Variants in ESR2 observed in about 807,000 individuals in gnomAD.
The protein encoded by ESR2 is estrogen receptor beta.
Under a neutral mutation model 49.6 loss-of-function variants are expected in ESR2, and 36 were observed. That is an observed-to-expected ratio of 0.73 (90% CI 0.56 to 0.96). ESR2 has a LOEUF of 0.96. Ranked by LOEUF, ESR2 falls within the 40% of genes least tolerant of loss-of-function variation. The pLI, the probability that ESR2 is intolerant of heterozygous loss-of-function variation, is 0.00. For missense variants in ESR2, 714 were observed against 693.0 expected, an observed-to-expected ratio of 1.03 and a Z score of -0.34; for synonymous variants, 320 against 266.1, an observed-to-expected ratio of 1.20 and a Z score of -1.97.
At chr14:64,294,607 G>C (rs999482060), upstream of ESR2, among the ~76,000 whole-genome samples, 1 of 152,140 alleles carries the variant, frequency 6.6e-6, no homozygotes, top group Non-Finnish European at 1.5e-5. Context: ...TCTGGAGTAG[G>C]GCCTGAGAAT....
chr14:64,302,558 AG>A (rs2077038790), intron 1 of ESR2, among the ~76,000 whole-genome samples: 1 of 152,048 alleles, frequency 6.6e-6, no homozygotes. Flanking sequence ...CAGGTGCTCT[AG>A]GGCAGGTCCT....
intron 1 of ESR2, among the ~76,000 whole-genome samples, chr14:64,307,693 C>T (rs555576475): frequency 6.6e-6 from 1 of 152,094 alleles, no homozygotes; most frequent in Non-Finnish European, 1.5e-5. Flanking sequence ...CACCACCACG[C>T]CCGGCTAATT....
intron 6 of ESR2, among the ~76,000 whole-genome samples, chr14:64,251,457 T>G (rs772892208): frequency 2.7e-4 from 41 of 151,938 alleles, no homozygotes; most frequent in Non-Finnish European, 4.1e-4. Context: ...CCAAGTGGTA[T>G]GGTAAGGGAA....
intron 5 of ESR2, among the ~76,000 whole-genome samples, chr14:64,259,548 CA>C (rs1484810797): frequency 6.6e-6 from 1 of 152,216 alleles, no homozygotes; most frequent in Non-Finnish European, 1.5e-5. Flanking sequence ...AACACCAAGT[CA>C]AATGATAATT....
rs2098728739 is a variant in ESR2 at position 64,233,029 on chromosome 14, C to A, written c.*108G>T. 6.7e-7 allele frequency: 1 copy of A among 1,493,888 alleles called. No homozygotes were observed. Among genetic ancestry groups the A allele is most frequent in the Non-Finnish European group, 8.9e-7 (1 of 1,121,454 alleles). The allele number at this position is 1,493,888 out of a possible 1,614,324, so 92.5% of individuals were successfully genotyped here. A position where few individuals can be genotyped will look rare whatever the true frequency, so the allele number is the denominator to read the frequency against. Reference sequence around the variant, plus strand: ...TGGTACATGACCAAGCCTGCCATCACCAAATGAGGGACCACACAGCAGAAA... The same window carrying A: ...TGGTACATGACCAAGCCTGCCATCAACAAATGAGGGACCACACAGCAGAAA... On this transcript the variant is annotated 3_prime_UTR_variant, in exon 9 of 9. Transcript: ENST00000341099.
At chr14:64,308,818 C>T (rs1291144964) in intron 1 of ESR2, among the ~76,000 whole-genome samples, 1 of 151,990 alleles carries the variant, frequency 6.6e-6, no homozygotes, top group Non-Finnish European at 1.5e-5. Context: ...TCACCTGTCA[C>T]CCAGGCTGGA....
Position 64,282,647 on chromosome 14 carries a change from T to TA in ESR2, c.338dup (p.Glu114ArgfsTer16), listed in dbSNP as rs1419796902. The TA allele has an allele frequency of 6.2e-7, 1 of 1,607,836 alleles. No individual in the cohort carries two copies. The highest frequency in any genetic ancestry group is 8.5e-7 in the Non-Finnish European group (1 of 1,174,618). On this transcript the variant is annotated frameshift_variant, in exon 2 of 9. Coordinates refer to ENST00000341099, the MANE Select transcript of ESR2 (RefSeq NM_001437.3). LOFTEE classifies it high-confidence loss of function. The stretch of plus-strand genomic sequence containing the variant: ...ACCTGTTTACAGGTAAGGTGTGTTC[T>TA]AGCGATCTTGCTTCACACCAGGGAC...
intron 6 of ESR2, among the ~76,000 whole-genome samples, chr14:64,251,965 T>A (rs1454468575): frequency 6.6e-6 from 1 of 152,178 alleles, no homozygotes; most frequent in East Asian, 1.9e-4. Flanking sequence ...TTTTATAATT[T>A]TAGATTGAAA....
At chr14:64,243,194 A>T (rs568450136) in intron 7 of ESR2, among the ~76,000 whole-genome samples, 62 of 152,312 alleles carry the variant, frequency 4.1e-4, no homozygotes, top group African/African-American at 1.4e-3. Flanking sequence ...AGAATTCCAG[A>T]TGGTGGTGGG....
chr14:64,313,144 A>C (rs1333045739), intron 1 of ESR2, among the ~76,000 whole-genome samples: 1 of 152,190 alleles, frequency 6.6e-6, no homozygotes, highest in African/African-American at 2.4e-5. Flanking sequence ...ACATTATATA[A>C]TAACAAAAGG....
chr14:64,227,692 A>G (rs1423536763), downstream of ESR2: 1 of 1,604,210 alleles, frequency 6.2e-7, no homozygotes. Context: ...AATATTGTGC[A>G]TGTCAATTTT....
In ESR2 at chr14:64,316,592, T is replaced by C. The variant is rs376479234; in HGVS notation, c.-91+21306A>G. Reference sequence around the variant, plus strand: ...GGGAGGCCAAGGTGGGTGGATCACTTGAGGTCAGGAGTTTGAGACCAGCCT... The same window carrying C: ...GGGAGGCCAAGGTGGGTGGATCACTCGAGGTCAGGAGTTTGAGACCAGCCT... On this transcript the variant is annotated intron_variant, in intron 1 of 8. Coordinates refer to the ESR2 transcript ENST00000358599. Among the ~76,000 whole-genome samples, 16 of 152,030 alleles carry C rather than the reference T, an allele frequency of 1.1e-4. No individual in the cohort carries two copies. The East Asian group carries it at 1.9e-3, about 18-fold the overall frequency.
At position 64,229,188 on chromosome 14, in the gene ESR2, C is replaced by T. The variant is rs2140585278; in HGVS notation, c.*3949G>A. ...CTGTTGTGTAAAGGCTCATGCAGAC[C>T]CATCTAAGCTGAGGAGATGGGATCT... On this transcript the variant is annotated 3_prime_UTR_variant, in exon 9 of 9. Transcript: ENST00000341099. Among the ~76,000 whole-genome samples the T allele has an allele frequency of 1.3e-5, 2 of 152,120 alleles. No individual in the cohort carries two copies. The highest frequency in any genetic ancestry group is 3.9e-4 in the East Asian group (2 of 5,180).
chr14:64,277,450 C>T (rs773788501), intron 3 of ESR2, among the ~76,000 whole-genome samples: 15 of 151,790 alleles, frequency 9.9e-5, no homozygotes, highest in Admixed American at 3.9e-4. Flanking sequence ...ATGCCGAAAC[C>T]CTGTCTCTAC....
rs944460 is a variant in ESR2, at chr14:64,234,738, C to G, written c.1406+232G>C. On this transcript the variant is annotated intron_variant, in intron 8 of 8. Coordinates refer to ENST00000341099, the MANE Select transcript of ESR2 (RefSeq NM_001437.3). The stretch of plus-strand genomic sequence containing the variant: ...TATAAACCCCAGCAATTGAAAAACC[C>G]ATGAGCCACCACTGGCTGCCATGCA... 45,120 of 928,502 alleles carry G rather than the reference C, an allele frequency of 0.049. 2,787 individuals carry two copies. Among genetic ancestry groups the G allele is most frequent in the East Asian group, 0.32 (11,878 of 37,224 alleles). The allele number at this position is 928,502 out of a possible 1,614,324, so 57.5% of individuals were successfully genotyped here. A position where few individuals can be genotyped will look rare whatever the true frequency, so the allele number is the denominator to read the frequency against.
chr14:64,259,492 G>A (rs142934332), intron 5 of ESR2, among the ~76,000 whole-genome samples: 218 of 152,234 alleles, frequency 1.4e-3, no homozygotes, highest in African/African-American at 4.6e-3. Context: ...GGGATCGTGG[G>A]GTGTTGCCAC....
At chr14:64,251,885 A>G (rs1444947489) in intron 6 of ESR2, among the ~76,000 whole-genome samples, 3 of 152,250 alleles carry the variant, frequency 2.0e-5, no homozygotes, top group Non-Finnish European at 4.4e-5. Flanking sequence ...AGCCCAGTAA[A>G]GGTCTTTCAG....
intron 1 of ESR2, among the ~76,000 whole-genome samples, chr14:64,332,799 C>CAAA (rs1193703932): frequency 1.1e-5 from 1 of 92,536 alleles, no homozygotes; most frequent in Admixed American, 1.2e-4. Context: ...GACTCCATCT[C>CAAA]AAAAAAAAAA....
intron 4 of ESR2, among the ~76,000 whole-genome samples, chr14:64,265,015 T>A (rs1296752970): frequency 6.6e-6 from 1 of 152,220 alleles, no homozygotes; most frequent in Non-Finnish European, 1.5e-5. Flanking sequence ...AGATTTTGAA[T>A]TCATACGTTC....
Sources: allele counts gnomAD v4.1 joint callset (sites outside exome capture counted in the v4.1 genomes callset), GRCh38; gene constraint gnomAD v4.1.1; transcripts MANE v1.5; gene names NCBI Gene and HGNC (gene_info 2026-07-23, HGNC 2026-07-21).